PTPN13: variants seen among roughly 807,000 people sequenced by gnomAD.
The protein encoded by PTPN13 is tyrosine-protein phosphatase non-receptor type 13.
In PTPN13, 191 loss-of-function variants were observed where a neutral mutation model predicts 284.0. That is an observed-to-expected ratio of 0.67 (90% CI 0.60 to 0.76). The LOEUF is 0.76. Ranked by LOEUF, PTPN13 falls within the 30% of genes least tolerant of loss-of-function variation. PTPN13 has a pLI of 0.00. For synonymous variants in PTPN13, 986 were observed against 1,022.3 expected (o/e 0.96, Z 0.68); for missense variants, 2,797 against 2,939.9 (o/e 0.95, Z 1.12).
At chr4:86,770,971 G>A (rs1739924546) in intron 30 of PTPN13, among the ~76,000 whole-genome samples, 200 bp from the exon 31 acceptor site, 3 of 152,054 alleles carry the variant, frequency 2.0e-5, no homozygotes, top group Admixed American at 6.5e-5. Flanking sequence ...TAATACTACT[G>A]TAGTTCTAAC....
At position 86,775,360 on chromosome 4, in the gene PTPN13, T is replaced by G; in HGVS notation, c.5680+18T>G. The G allele has an allele frequency of 3.7e-6, 6 of 1,608,370 alleles. No homozygotes were observed. Among genetic ancestry groups the G allele is most frequent in the Non-Finnish European group, 5.1e-6 (6 of 1,176,442 alleles). On this transcript the variant is annotated intron_variant, in intron 34 of 47. Transcript: ENST00000411767. ...GGAGTTGGGTAATGAAAAGTCAAAC[T>G]TTGTACAATATGATTTTCTTGGTTA... is the stretch of plus-strand genomic sequence containing the variant.
chr4:86,794,781 AAAAC>A (rs1211286018), intron 40 of PTPN13, among the ~76,000 whole-genome samples: 2 of 152,216 alleles, frequency 1.3e-5, no homozygotes, highest in Non-Finnish European at 2.9e-5. Flanking sequence ...AACCCTGACA[AAAAC>A]AAGCAATGGG....
chr4:86,621,757 C>T (rs1244379155), intron 1 of PTPN13, among the ~76,000 whole-genome samples: 1 of 151,938 alleles, frequency 6.6e-6, no homozygotes, highest in African/African-American at 2.4e-5. Flanking sequence ...GTTGGGAACC[C>T]GTGTGTAGAT....
Position 86,765,375 on chromosome 4 carries a change from T to C in PTPN13, c.4150-20T>C, listed in dbSNP as rs753473641. The C allele has an allele frequency of 1.3e-6, 2 of 1,555,674 alleles. No homozygotes were observed. Among genetic ancestry groups the C allele is most frequent in the South Asian group, 2.4e-5 (2 of 83,604 alleles). On this transcript the variant is annotated intron_variant, in intron 25 of 47. Coordinates refer to ENST00000411767, the MANE Select transcript of PTPN13 (RefSeq NM_080683.3). ...AAATTTTTCATGTTATAAAATATTA[T>C]TTTGTCTTTTTCTCTTTAGGGAGGT...
At chr4:86,669,464 T>C (rs866633510) in intron 2 of PTPN13, among the ~76,000 whole-genome samples, 11 of 152,082 alleles carry the variant, frequency 7.2e-5, no homozygotes, top group African/African-American at 2.7e-4. Flanking sequence ...TGATTATATG[T>C]CCATTAAAAA....
intron 7 of PTPN13, among the ~76,000 whole-genome samples, chr4:86,706,361 A>C (rs755266509): frequency 6.6e-6 from 1 of 152,200 alleles, no homozygotes; most frequent in Non-Finnish European, 1.5e-5. Context: ...TGGACATTCA[A>C]CTAACTGCCT....
At chr4:86,684,975 C>T (rs931616495) in intron 3 of PTPN13, among the ~76,000 whole-genome samples, 4 of 152,144 alleles carry the variant, frequency 2.6e-5, no homozygotes, top group Admixed American at 2.0e-4. Context: ...GCAGCCTCCC[C>T]GTGTGAATTC....
At position 86,765,401 on chromosome 4, in the gene PTPN13, G is replaced by T; in HGVS notation, c.4156G>T (p.Val1386Leu). 1 of 1,596,430 alleles carries T rather than the reference G, an allele frequency of 6.3e-7. No homozygotes were observed. The highest frequency in any genetic ancestry group is 8.5e-7 in the Non-Finnish European group (1 of 1,170,624). Residue 1386 changes from valine to leucine, a missense_variant, in exon 26 of 48, where the codon GTG (valine) becomes TTG (leucine). By Grantham distance (32) the Val-to-Leu change is conservative. Coordinates refer to ENST00000411767, the MANE Select transcript of PTPN13 (RefSeq NM_080683.3). Reference sequence around the variant, plus strand: ...TTTGTCTTTTTCTCTTTAGGGAGGTGTGAATACGAGTGTCAGACATGGTGG... The same window carrying T: ...TTTGTCTTTTTCTCTTTAGGGAGGTTTGAATACGAGTGTCAGACATGGTGG... ...NSLGISVTGG[V>L]NTSVRHGGIY...
chr4:86,642,445 TCTTC>T (rs1474918748), intron 2 of PTPN13, among the ~76,000 whole-genome samples: 54 of 89,170 alleles, frequency 6.1e-4, no homozygotes, highest in Middle Eastern at 0.014. Flanking sequence ...TTCTTCTTCT[TCTTC>T]TTTTTTTTTT....
At chr4:86,749,310 TTCATCATCATCA>T (rs748716956) in intron 17 of PTPN13, among the ~76,000 whole-genome samples, 4 of 151,132 alleles carry the variant, frequency 2.6e-5, no homozygotes, top group African/African-American at 9.7e-5. Flanking sequence ...TTTCTTCATC[TTCATCATCATCA>T]TCATCATCAT....
intron 1 of PTPN13, among the ~76,000 whole-genome samples, chr4:86,602,874 T>C (rs1210195863): frequency 6.6e-6 from 1 of 152,010 alleles, no homozygotes; most frequent in African/African-American, 2.4e-5. Flanking sequence ...TTATTTGTAT[T>C]TATTTGTAGA....
At chr4:86,610,235 G>T (rs1765146772) in intron 1 of PTPN13, among the ~76,000 whole-genome samples, 1 of 151,966 alleles carries the variant, frequency 6.6e-6, no homozygotes, top group South Asian at 2.1e-4. Flanking sequence ...ATAAAATAAA[G>T]ATTTTGGAAT....
At chr4:86,754,507 G>A (rs568077783) in intron 20 of PTPN13, among the ~76,000 whole-genome samples, 5 of 151,646 alleles carry the variant, frequency 3.3e-5, no homozygotes, top group Admixed American at 6.6e-5. Flanking sequence ...TTTTTCACAC[G>A]TAAGAAACCA....
intron 6 of PTPN13, among the ~76,000 whole-genome samples, chr4:86,696,274 A>C (rs1730586834): frequency 6.6e-6 from 1 of 151,970 alleles, no homozygotes; most frequent in Admixed American, 6.6e-5. Context: ...TAGTTTTTAT[A>C]GGTGTTCAGT....
At chr4:86,715,541 A>G (rs573840080) in intron 7 of PTPN13, among the ~76,000 whole-genome samples, 6 of 152,260 alleles carry the variant, frequency 3.9e-5, no homozygotes, top group South Asian at 2.1e-4. Context: ...GCGGTAAGCT[A>G]TGACTGCACC....
chr4:86,691,984 TAATA>T (rs1730077832), intron 5 of PTPN13, among the ~76,000 whole-genome samples: 1 of 152,230 alleles, frequency 6.6e-6, no homozygotes, highest in Non-Finnish European at 1.5e-5. Flanking sequence ...ATAGGAATAA[TAATA>T]ATATGTGTCA....
intron 2 of PTPN13, among the ~76,000 whole-genome samples, chr4:86,670,247 A>G (rs920198715): frequency 2.1e-5 from 3 of 141,150 alleles, no homozygotes; most frequent in African/African-American, 8.1e-5. Context: ...CAACTCCCAA[A>G]ATATATCTGC....
At chr4:86,673,127 A>G (rs559459713) in intron 3 of PTPN13, among the ~76,000 whole-genome samples, 6 of 152,270 alleles carry the variant, frequency 3.9e-5, no homozygotes, top group African/African-American at 1.4e-4. Flanking sequence ...TCACTTGCCT[A>G]CTGCTCACTT....
At chr4:86,722,925 AT>A (rs1217021156) in intron 10 of PTPN13, among the ~76,000 whole-genome samples, 1 of 152,164 alleles carries the variant, frequency 6.6e-6, no homozygotes, top group African/African-American at 2.4e-5. Context: ...CAAACATCAT[AT>A]CCTCACATTT....
Sources: gnomAD v4.1 joint callset for allele counts (sites outside exome capture counted in the v4.1 genomes callset) on GRCh38, gnomAD v4.1.1 for gene constraint, MANE v1.5 for transcripts, NCBI Gene and HGNC (gene_info 2026-07-23, HGNC 2026-07-21) for gene names.